The following CAMK1D variants were observed in gnomAD, a reference collection of about 807,000 sequenced individuals.
The protein encoded by CAMK1D is calcium/calmodulin dependent protein kinase ID, also known as calcium/calmodulin-dependent protein kinase type 1D.
Under a neutral mutation model 47.7 loss-of-function variants are expected in CAMK1D, and 9 were observed. The ratio of observed to expected loss-of-function variants is 0.19; its 90% CI spans 0.11 to 0.33. CAMK1D has a LOEUF of 0.33. CAMK1D is among the 10% of genes least tolerant of loss of function. CAMK1D has a pLI of 1.00. For synonymous variants in CAMK1D, 184 were observed against 184.9 expected, an observed-to-expected ratio of 0.99 and a Z score of 0.04; for missense variants, 291 against 488.7, an observed-to-expected ratio of 0.60 and a Z score of 3.81.
intron 1 of CAMK1D, among the ~76,000 whole-genome samples, chr10:12,422,287 A>G (rs745819960): frequency 3.3e-4 from 50 of 152,330 alleles, no homozygotes; most frequent in Non-Finnish European, 6.3e-4. Context: ...GGTGACGACT[A>G]TAGTCCGGAT....
intron 1 of CAMK1D, among the ~76,000 whole-genome samples, chr10:12,427,542 A>G (rs1840274733): frequency 6.6e-6 from 1 of 152,026 alleles, no homozygotes; most frequent in Admixed American, 6.6e-5. Flanking sequence ...GGTGGGGGAC[A>G]GGTCTGGGAG....
At chr10:12,371,459 C>T (rs948191302) in intron 1 of CAMK1D, among the ~76,000 whole-genome samples, 2 of 151,288 alleles carry the variant, frequency 1.3e-5, no homozygotes, top group African/African-American at 4.9e-5. Context: ...GCCTGTAGTC[C>T]CAGCTACTCA....
chr10:12,512,128 T>C (rs942565503), intron 1 of CAMK1D, among the ~76,000 whole-genome samples: 3 of 152,158 alleles, frequency 2.0e-5, no homozygotes, highest in African/African-American at 7.2e-5. Flanking sequence ...CCCTAGCATA[T>C]TAGAGGTGAT....
chr10:12,693,863 A>T lies in CAMK1D; in HGVS notation c.299+27053A>T, dbSNP rs527316928. ...GCACCATGGCACTCTAGCATGGGGG[A>T]CAGAGCAAGACCCTGTTTCTAAATA... On this transcript the variant is annotated intron_variant, in intron 3 of 10. Coordinates refer to ENST00000619168, the MANE Select transcript of CAMK1D (RefSeq NM_153498.4). Among the ~76,000 whole-genome samples, 8 of 134,212 alleles carry T rather than the reference A, an allele frequency of 6.0e-5. No homozygotes were observed. The South Asian group carries it at 1.1e-3, about 19-fold the overall frequency. 88.0% of individuals were successfully genotyped at this position (134,212 alleles called of 152,430 possible). A position where few individuals can be genotyped will look rare whatever the true frequency, so the allele number is the denominator to read the frequency against.
chr10:12,697,067 C>G (rs181601811), intron 3 of CAMK1D, among the ~76,000 whole-genome samples: 1 of 152,016 alleles, frequency 6.6e-6, no homozygotes, highest in African/African-American at 2.4e-5. Context: ...AAAAATAGCC[C>G]GGCTTAGGGG....
chr10:12,722,918 TTAGTA>T (rs1834457852), intron 3 of CAMK1D, among the ~76,000 whole-genome samples: 1 of 152,178 alleles, frequency 6.6e-6, no homozygotes, highest in South Asian at 2.1e-4. Flanking sequence ...AAAGTGTTCA[TTAGTA>T]TATCTCTAAC....
chr10:12,806,207 T>TC (rs1192345252), intron 6 of CAMK1D, among the ~76,000 whole-genome samples: 1 of 152,230 alleles, frequency 6.6e-6, no homozygotes, highest in African/African-American at 2.4e-5. Context: ...TTTTTACACT[T>TC]CCTGTTTATT....
chr10:12,742,843 C>G (rs1167585244), intron 3 of CAMK1D, among the ~76,000 whole-genome samples: 1 of 152,138 alleles, frequency 6.6e-6, no homozygotes, highest in African/African-American at 2.4e-5. Context: ...ACAAAGAGCT[C>G]CATGCTTTAG....
chr10:12,605,691 G>T (rs555989071), intron 2 of CAMK1D, among the ~76,000 whole-genome samples: 1 of 152,230 alleles, frequency 6.6e-6, no homozygotes, highest in South Asian at 2.1e-4. Context: ...CCTGGGGGCT[G>T]CGGTGCCACT....
intron 6 of CAMK1D, among the ~76,000 whole-genome samples, chr10:12,800,497 G>A (rs1024761614): frequency 1.1e-4 from 16 of 152,152 alleles, no homozygotes; most frequent in African/African-American, 3.9e-4. Context: ...GCCACCCAGT[G>A]GTCGCTACAT....
intron 1 of CAMK1D, among the ~76,000 whole-genome samples, chr10:12,525,774 T>C (rs1835601253): frequency 6.6e-6 from 1 of 152,178 alleles, no homozygotes. Context: ...TTTTGTTTTT[T>C]TGAGATAAGG....
chr10:12,471,804 G>A (rs1833753852), intron 1 of CAMK1D, among the ~76,000 whole-genome samples: 1 of 152,092 alleles, frequency 6.6e-6, no homozygotes, highest in Non-Finnish European at 1.5e-5. Context: ...AGCCGAGATG[G>A]GAGGATCGCT....
At chr10:12,754,981 C>T (rs1453405411) in intron 3 of CAMK1D, among the ~76,000 whole-genome samples, 1 of 152,102 alleles carries the variant, frequency 6.6e-6, no homozygotes, top group Non-Finnish European at 1.5e-5. Flanking sequence ...ATAGAGAAGG[C>T]AAAACGCCCA....
intron 1 of CAMK1D, among the ~76,000 whole-genome samples, chr10:12,451,124 C>G (rs546563108): frequency 1.6e-4 from 25 of 152,300 alleles, no homozygotes; most frequent in African/African-American, 6.0e-4. Flanking sequence ...AGGTGGAGAT[C>G]AAAATGTTAA....
chr10:12,387,424 ATTTTATATATTATATATATTT>A (rs1185645751), intron 1 of CAMK1D, among the ~76,000 whole-genome samples: 2,928 of 72,760 alleles, frequency 0.04, 72 homozygotes, highest in Admixed American at 0.047. Flanking sequence ...TATTTTATAT[ATTTTATATATTATATATATTT>A]TATATATATA....
intron 1 of CAMK1D, among the ~76,000 whole-genome samples, chr10:12,473,190 G>A (rs1038163202): frequency 2.0e-5 from 3 of 152,292 alleles, no homozygotes; most frequent in African/African-American, 4.8e-5. Flanking sequence ...GGCCAGCAGC[G>A]ATGTCATGTG....
At chr10:12,462,767 C>CT (rs1439863337) in intron 1 of CAMK1D, among the ~76,000 whole-genome samples, 1 of 152,180 alleles carries the variant, frequency 6.6e-6, no homozygotes, top group African/African-American at 2.4e-5. Context: ...TCATAGCCCA[C>CT]TGCAGCCTTG....
chr10:12,808,519 G>A (rs1205549418), intron 6 of CAMK1D, among the ~76,000 whole-genome samples: 4 of 152,194 alleles, frequency 2.6e-5, no homozygotes, highest in African/African-American at 9.7e-5. Context: ...GAGCACAGTG[G>A]CTCACAGCAG....
rs145767513 is a variant in CAMK1D at position 12,731,910 on chromosome 10, C to T, written c.300-29038C>T. Among the ~76,000 whole-genome samples the T allele has an allele frequency of 1.3e-3, 192 of 152,030 alleles. 2 individuals carry two copies. In the Middle Eastern group the frequency reaches 0.024, roughly 19 times the overall value. ...GGGCATGACCACAAACCCGAATGGACGATGGGGTAGGGAGGAGGACTGAAT... is the reference window on the plus strand; with the variant it reads ...GGGCATGACCACAAACCCGAATGGATGATGGGGTAGGGAGGAGGACTGAAT... On this transcript the variant is annotated intron_variant, in intron 3 of 10. Coordinates refer to ENST00000619168, the MANE Select transcript of CAMK1D (RefSeq NM_153498.4).
Sources: gnomAD v4.1 joint callset for allele counts (sites outside exome capture counted in the v4.1 genomes callset) on GRCh38, gnomAD v4.1.1 for gene constraint, MANE v1.5 for transcripts, NCBI Gene and HGNC (gene_info 2026-07-23, HGNC 2026-07-21) for gene names.